Variants in CNTLN observed in about 807,000 individuals in gnomAD.
CNTLN encodes the protein centlein, centrosomal protein.
A neutral mutation model predicts 180.0 loss-of-function variants in CNTLN; 212 were observed. The observed-to-expected ratio is 1.18, with a 90% CI of 1.05 to 1.32. CNTLN has a LOEUF of 1.32. Among genes scored for constraint, CNTLN ranks in the 40% most tolerant of loss-of-function variants. The pLI is 0.00. For missense variants in CNTLN, 2,095 were observed against 1,610.9 expected (o/e 1.30, Z -5.14); for synonymous variants, 722 against 563.1 (o/e 1.28, Z -3.99).
intron 2 of CNTLN, among the ~76,000 whole-genome samples, chr9:17,210,594 C>G (rs1823231291): frequency 6.6e-6 from 1 of 151,974 alleles, no homozygotes; most frequent in Non-Finnish European, 1.5e-5. Flanking sequence ...TGGGATGAGT[C>G]AAATGGTATT....
chr9:17,323,655 C>G (rs1820070799), intron 8 of CNTLN, among the ~76,000 whole-genome samples: 1 of 152,218 alleles, frequency 6.6e-6, no homozygotes, highest in Non-Finnish European at 1.5e-5. Context: ...ATGCCTAACT[C>G]AGTTGGTTTT....
At chr9:17,238,750 A>G (rs916260145) in intron 5 of CNTLN, among the ~76,000 whole-genome samples, 1 of 152,158 alleles carries the variant, frequency 6.6e-6, no homozygotes, top group Non-Finnish European at 1.5e-5. Context: ...GATGTCAGCC[A>G]TGAACTTTGC....
intron 6 of CNTLN, among the ~76,000 whole-genome samples, chr9:17,280,091 C>T (rs1265926102): frequency 6.6e-6 from 1 of 152,100 alleles, no homozygotes; most frequent in Admixed American, 6.6e-5. Context: ...AAATAAATTC[C>T]TTTTTCTTTA....
chr9:17,442,315 A>G (rs568618261), intron 18 of CNTLN, among the ~76,000 whole-genome samples: 34 of 152,334 alleles, frequency 2.2e-4, no homozygotes, highest in Admixed American at 7.8e-4. Context: ...AATACAAGGT[A>G]TCTTTTCTGA....
At chr9:17,215,231 G>C (rs996186167) in intron 2 of CNTLN, among the ~76,000 whole-genome samples, 8 of 152,164 alleles carry the variant, frequency 5.3e-5, no homozygotes, top group Non-Finnish European at 1.2e-4. Context: ...ATGGGGTTTT[G>C]GTGTGGATGT....
chr9:17,338,168 T>C (rs1734964067), intron 10 of CNTLN, among the ~76,000 whole-genome samples: 1 of 150,796 alleles, frequency 6.6e-6, no homozygotes, highest in African/African-American at 2.4e-5. Context: ...TCTTTTTCTT[T>C]CTTTTTTTTT....
intron 8 of CNTLN, among the ~76,000 whole-genome samples, chr9:17,320,668 A>G (rs1401897320): frequency 6.6e-6 from 1 of 151,496 alleles, no homozygotes; most frequent in East Asian, 1.9e-4. Flanking sequence ...ACACCTGGCT[A>G]GTTTTTGTAT....
chr9:17,291,297 A>G (rs112881950), intron 6 of CNTLN, among the ~76,000 whole-genome samples: 1 of 152,038 alleles, frequency 6.6e-6, no homozygotes, highest in African/African-American at 2.4e-5. Context: ...TTTTGGGTGG[A>G]GAGTTCTGTA....
chr9:17,395,867 G>A (rs1826475513), intron 15 of CNTLN, among the ~76,000 whole-genome samples: 1 of 152,208 alleles, frequency 6.6e-6, no homozygotes, highest in African/African-American at 2.4e-5. Flanking sequence ...GGTAAAATGA[G>A]GCTGAAACCT....
chr9:17,323,083 T>C lies in CNTLN; in HGVS notation c.1342-7549T>C, dbSNP rs183756501. Among the ~76,000 whole-genome samples, 794 of 152,322 alleles carry C rather than the reference T, an allele frequency of 5.2e-3. 5 individuals carry two copies. The highest frequency in any genetic ancestry group is 8.2e-3 in the Admixed American group (126 of 15,300). On this transcript the variant is annotated intron_variant, in intron 8 of 25. Coordinates refer to ENST00000380647, the MANE Select transcript of CNTLN (RefSeq NM_017738.4). ...TAGAGTGCTCTGTGTTGTTCATTAATGAACTTATGCCATATGCTTTAACTG... is the reference window on the plus strand; with the variant it reads ...TAGAGTGCTCTGTGTTGTTCATTAACGAACTTATGCCATATGCTTTAACTG...
At chr9:17,238,402 C>G (rs1435848860) in intron 5 of CNTLN, among the ~76,000 whole-genome samples, 2 of 152,180 alleles carry the variant, frequency 1.3e-5, no homozygotes, top group African/African-American at 4.8e-5. Flanking sequence ...AGATTGTTCA[C>G]TGATCTTCTC....
chr9:17,205,767 A>G (rs1400878481), intron 2 of CNTLN, among the ~76,000 whole-genome samples: 2 of 152,198 alleles, frequency 1.3e-5, no homozygotes, highest in African/African-American at 2.4e-5. Flanking sequence ...TACTGGGAAG[A>G]TATCTGAATC....
At chr9:17,446,731 A>G (rs1830447297) in intron 18 of CNTLN, among the ~76,000 whole-genome samples, 1 of 152,226 alleles carries the variant, frequency 6.6e-6, no homozygotes, top group African/African-American at 2.4e-5. Flanking sequence ...ATTTAATACT[A>G]TATATGGATA....
At chr9:17,270,456 C>G (rs1314083837) in intron 5 of CNTLN, among the ~76,000 whole-genome samples, 1 of 152,102 alleles carries the variant, frequency 6.6e-6, no homozygotes, top group Non-Finnish European at 1.5e-5. Context: ...ATTTCTGGAA[C>G]CAAATCATCT....
intron 18 of CNTLN, among the ~76,000 whole-genome samples, chr9:17,436,615 G>A (rs955342486): frequency 1.3e-5 from 2 of 152,090 alleles, no homozygotes; most frequent in East Asian, 1.9e-4. Flanking sequence ...GCCTTATTTC[G>A]TGGATCTTCA....
intron 2 of CNTLN, among the ~76,000 whole-genome samples, chr9:17,149,763 C>T (rs1055446390): frequency 5.9e-5 from 9 of 151,982 alleles, no homozygotes; most frequent in East Asian, 1.9e-4. Context: ...GTGATCTGCC[C>T]GCCTTGGCCT....
intron 5 of CNTLN, among the ~76,000 whole-genome samples, chr9:17,254,405 T>C (rs1826342026): frequency 6.6e-6 from 1 of 151,562 alleles, no homozygotes; most frequent in Non-Finnish European, 1.5e-5. Context: ...GTTTCTGCTA[T>C]GTTGGGAATT....
chr9:17,177,443 G>T (rs1820791626), intron 2 of CNTLN, among the ~76,000 whole-genome samples: 1 of 152,120 alleles, frequency 6.6e-6, no homozygotes, highest in African/African-American at 2.4e-5. Context: ...TTCTTGAAGT[G>T]GAAATGTGTC....
At chr9:17,506,744 T>G (rs1331200003), downstream of CNTLN, among the ~76,000 whole-genome samples, 1 of 151,876 alleles carries the variant, frequency 6.6e-6, no homozygotes, top group Non-Finnish European at 1.5e-5. Flanking sequence ...AACAACAAAA[T>G]GTACCAGAAA....
Sources: gnomAD v4.1 joint callset for allele counts (sites outside exome capture counted in the v4.1 genomes callset) on GRCh38, gnomAD v4.1.1 for gene constraint, MANE v1.5 for transcripts, NCBI Gene and HGNC (gene_info 2026-07-23, HGNC 2026-07-21) for gene names.